The following GALNT13 variants were observed in gnomAD, a reference collection of about 807,000 sequenced individuals.
GALNT13 encodes UDP-GalNAc:polypeptide N-acetylgalactosaminyltransferase 13.
GALNT13 carries 28 observed loss-of-function variants against 64.2 expected under a neutral mutation model. The observed-to-expected ratio is 0.44, with a 90% CI of 0.32 to 0.60. The LOEUF is 0.60. Ranked by LOEUF, GALNT13 falls within the 20% of genes least tolerant of loss-of-function variation. The pLI, the probability that GALNT13 is intolerant of heterozygous loss-of-function variation, is 0.05. For synonymous variants in GALNT13, 214 were observed against 224.6 expected (o/e 0.95, Z 0.42); for missense variants, 577 against 669.8 (o/e 0.86, Z 1.53).
At chr2:153,667,306 G>T in the GALNT13 span, among the ~76,000 whole-genome samples, 1 of 152,064 alleles carries the variant, frequency 6.6e-6, no homozygotes, top group Admixed American at 6.6e-5. Context: ...TACTATATAA[G>T]ACAACCATCC....
chr2:153,728,412 T>G, the GALNT13 span, among the ~76,000 whole-genome samples: 1 of 152,170 alleles, frequency 6.6e-6, no homozygotes, highest in African/African-American at 2.4e-5. Flanking sequence ...ATCTGTTGTT[T>G]CCTGACTTTT....
chr2:154,058,007 G>T (rs1379959286), intron 3 of GALNT13, among the ~76,000 whole-genome samples: 1 of 152,146 alleles, frequency 6.6e-6, no homozygotes, highest in Non-Finnish European at 1.5e-5. Flanking sequence ...TATTGTTATG[G>T]ACTGAATGTT....
the GALNT13 span, among the ~76,000 whole-genome samples, chr2:153,083,557 T>C: frequency 6.6e-6 from 1 of 152,354 alleles, no homozygotes; most frequent in African/African-American, 2.4e-5. Context: ...AATTATCTGT[T>C]CATGTCCCTT....
At chr2:154,159,117 TTTTA>T (rs1308576736) in intron 4 of GALNT13, among the ~76,000 whole-genome samples, 8 of 151,734 alleles carry the variant, frequency 5.3e-5, no homozygotes, top group Non-Finnish European at 1.0e-4. Flanking sequence ...TTATTATTTA[TTTTA>T]TTTATTTATT....
chr2:153,848,692 G>A, the GALNT13 span, among the ~76,000 whole-genome samples: 1 of 151,880 alleles, frequency 6.6e-6, no homozygotes, highest in African/African-American at 2.4e-5. Flanking sequence ...AAAAATATAT[G>A]CTATCAATAT....
rs1360181487 is a variant in GALNT13 at position 154,383,700 on chromosome 2, G to A, written c.1157-12291G>A. On this transcript the variant is annotated intron_variant, in intron 9 of 12. Transcript: ENST00000392825. Reference sequence around the variant, plus strand: ...ATAAATATTAAAATATTACTGTTATGATATTCTTTTATCAATGAGGCCAAC... The same window carrying A: ...ATAAATATTAAAATATTACTGTTATAATATTCTTTTATCAATGAGGCCAAC... Among the ~76,000 whole-genome samples, 3 of 151,742 alleles carry A rather than the reference G, an allele frequency of 2.0e-5. No homozygotes were observed. The East Asian group carries it at 5.8e-4, about 29-fold the overall frequency.
intron 4 of GALNT13, among the ~76,000 whole-genome samples, chr2:154,160,345 A>G (rs1211555878): frequency 2.0e-5 from 3 of 152,134 alleles, no homozygotes; most frequent in African/African-American, 7.2e-5. Flanking sequence ...TTCAGACAGA[A>G]CACCACGCAA....
intron 3 of GALNT13, among the ~76,000 whole-genome samples, chr2:154,023,838 G>A (rs1428172911): frequency 1.3e-5 from 2 of 152,178 alleles, no homozygotes; most frequent in African/African-American, 4.8e-5. Context: ...GGTACCAGTT[G>A]TTCCTTTCCA....
At chr2:153,163,395 G>A in the GALNT13 span, among the ~76,000 whole-genome samples, 2 of 152,156 alleles carry the variant, frequency 1.3e-5, no homozygotes, top group Non-Finnish European at 2.9e-5. Flanking sequence ...TTTCAGGACT[G>A]CGTTATACTT....
the GALNT13 span, chr2:153,208,037 T>C: frequency 6.6e-6 from 1 of 152,114 alleles, no homozygotes; most frequent in Admixed American, 6.6e-5. Flanking sequence ...TTTGGTAAAA[T>C]ATAAAGGCCA....
the GALNT13 span, among the ~76,000 whole-genome samples, chr2:153,718,435 T>C: frequency 6.6e-6 from 1 of 151,960 alleles, no homozygotes; most frequent in East Asian, 1.9e-4. Context: ...TTCATGTTTT[T>C]GTTTTGTTTT....
chr2:154,287,223 A>C lies in GALNT13; in HGVS notation c.976-14186A>C, dbSNP rs113457494. 5.4e-3 allele frequency: 6,680 copies of C among 1,228,928 alleles called. 135 individuals are homozygous for C. In the African/African-American group the frequency reaches 0.059, roughly 11 times the overall value. The allele number at this position is 1,228,928 out of a possible 1,614,324, so 76.1% of individuals were successfully genotyped here. On this transcript the variant is annotated intron_variant, in intron 8 of 12. Transcript: ENST00000392825. ...AGATTTGTGGTGGAAAAGGCTGAGC[A>C]TCAGAAGAAGGCAGCCATCATCTTT...
the GALNT13 span, among the ~76,000 whole-genome samples, chr2:153,173,598 T>G: frequency 6.6e-6 from 1 of 152,196 alleles, no homozygotes. Flanking sequence ...TCTGAGGTAC[T>G]AGGGTATATC....
At chr2:154,267,189 A>G (rs1489942947) in intron 8 of GALNT13, among the ~76,000 whole-genome samples, 2 of 152,198 alleles carry the variant, frequency 1.3e-5, no homozygotes, top group African/African-American at 4.8e-5. Context: ...CCATGAAAAT[A>G]TTAATTCAAA....
chr2:153,167,674 T>A, the GALNT13 span, among the ~76,000 whole-genome samples: 1 of 152,210 alleles, frequency 6.6e-6, no homozygotes, highest in Non-Finnish European at 1.5e-5. Flanking sequence ...TGGAGTTGAA[T>A]GTTCTTGGGA....
At chr2:153,608,727 T>A in the GALNT13 span, among the ~76,000 whole-genome samples, 1 of 147,722 alleles carries the variant, frequency 6.8e-6, no homozygotes, top group African/African-American at 2.5e-5. Flanking sequence ...TAAATATATG[T>A]ATAACTTATA....
intron 3 of GALNT13, among the ~76,000 whole-genome samples, chr2:154,052,914 T>C (rs1015275895): frequency 1.3e-5 from 2 of 151,848 alleles, no homozygotes; most frequent in Non-Finnish European, 2.9e-5. Flanking sequence ...TTTTTTTGTA[T>C]TTTTAGTAGA....
At chr2:153,346,635 A>G in the GALNT13 span, among the ~76,000 whole-genome samples, 19 of 152,202 alleles carry the variant, frequency 1.2e-4, no homozygotes, top group Non-Finnish European at 5.9e-5. Context: ...AAGTGTTCTT[A>G]ATATAGACCC....
At chr2:153,215,653 G>A in the GALNT13 span, among the ~76,000 whole-genome samples, 1 of 152,068 alleles carries the variant, frequency 6.6e-6, no homozygotes, top group East Asian at 1.9e-4. Flanking sequence ...CTAGTATTCT[G>A]TCCATTATAT....
Sources: allele counts gnomAD v4.1 joint callset (sites outside exome capture counted in the v4.1 genomes callset), GRCh38; gene constraint gnomAD v4.1.1; transcripts MANE v1.5; gene names NCBI Gene and HGNC (gene_info 2026-07-23, HGNC 2026-07-21).